WDR17: variants seen among roughly 807,000 people sequenced by gnomAD.
WDR17 encodes WD repeat-containing protein 17.
In WDR17, 143 loss-of-function variants were observed where a neutral mutation model predicts 161.7. The ratio of observed to expected loss-of-function variants is 0.88; its 90% confidence interval spans 0.77 to 1.02. The LOEUF (loss-of-function observed/expected upper bound fraction) is 1.02, where lower values mean the gene tolerates loss of function less well. Among genes scored for constraint, WDR17 ranks in the 50% least tolerant of loss-of-function variants. The probability of loss-of-function intolerance (pLI) is 0.00; values close to 1 mark genes in which losing one functional copy is unlikely to be tolerated. For synonymous variants in WDR17, 517 were observed against 515.6 expected (o/e 1.00, Z -0.04); for missense variants, 1,469 against 1,520.9 (o/e 0.97, Z 0.57).
intron 4 of WDR17, among the ~76,000 whole-genome samples, chr4:176,123,342 C>A (rs1217119060): frequency 6.6e-6 from 1 of 152,124 alleles, no homozygotes; most frequent in East Asian, 1.9e-4. Context: ...ACCTCTACAG[C>A]AGACACTCGC....
chr4:176,151,667 C>A, intron 16 of WDR17, 145 bp from the exon 17 acceptor site: 1 of 700,636 alleles, frequency 1.4e-6, no homozygotes. Context: ...GTATCCATCA[C>A]CTCAAGCATT....
chr4:176,103,230 G>A (rs1665577008), intron 1 of WDR17, among the ~76,000 whole-genome samples: 1 of 152,140 alleles, frequency 6.6e-6, no homozygotes, highest in Non-Finnish European at 1.5e-5. Flanking sequence ...CACAGGTTCA[G>A]AATAACCCTG....
intron 1 of WDR17, among the ~76,000 whole-genome samples, chr4:176,098,914 G>C (rs1737346810): frequency 6.6e-6 from 1 of 151,472 alleles, no homozygotes; most frequent in Admixed American, 6.6e-5. Context: ...TTTAAGTGTT[G>C]GTTTGTAAGA....
chr4:176,104,910 G>A (rs1738452091), intron 1 of WDR17, among the ~76,000 whole-genome samples: 1 of 151,816 alleles, frequency 6.6e-6, no homozygotes, highest in African/African-American at 2.4e-5. Context: ...AATGTAAATG[G>A]ATATTAAGCT....
In WDR17 at chr4:176,115,829, G is replaced by C. The variant is rs200135544; in HGVS notation, c.157G>C (p.Ala53Pro). The C allele has an allele frequency of 6.2e-7, 1 of 1,605,450 alleles. No individual in the cohort carries two copies. The highest frequency in any genetic ancestry group is 1.1e-5 in the South Asian group (1 of 89,392). ...CCGTTATAATGAATTCAAACTTCAC[G>C]CAATTATGTCTGAACATAAAAAAAC... The part of the protein sequence containing the change: ...DHRYNEFKLH[A>P]IMSEHKKTIT... Residue 53 changes from alanine to proline, a missense_variant, in exon 3 of 29, where the codon GCA becomes CCA. By Grantham distance (27) the Ala-to-Pro change is conservative. Transcript: ENST00000508596.
chr4:176,132,572 T>C (rs748542534), intron 7 of WDR17, among the ~76,000 whole-genome samples: 8 of 152,010 alleles, frequency 5.3e-5, no homozygotes, highest in African/African-American at 1.2e-4. Flanking sequence ...TAATATTGTA[T>C]CTTTTCAAGA....
chr4:176,103,203 T>C (rs1738098274), intron 1 of WDR17, among the ~76,000 whole-genome samples: 1 of 152,192 alleles, frequency 6.6e-6, no homozygotes, highest in Non-Finnish European at 1.5e-5. Flanking sequence ...AGGAAGTTAC[T>C]ATGCATGAAC....
chr4:176,130,576 C>A (rs1224709871), intron 6 of WDR17, among the ~76,000 whole-genome samples: 1 of 145,270 alleles, frequency 6.9e-6, no homozygotes, highest in Non-Finnish European at 1.5e-5. Flanking sequence ...AACCCTGTCT[C>A]TACTAAAAAT....
Position 176,138,207 on chromosome 4 carries a change from A to C in WDR17, c.1359+596A>C, listed in dbSNP as rs143473444. 3.1e-3 allele frequency among the ~76,000 whole-genome samples: 469 copies of C among 151,886 alleles called. 1 individual carries two copies. Among genetic ancestry groups the C allele is most frequent in the African/African-American group, 0.011 (442 of 41,566 alleles). On this transcript the variant is annotated intron_variant, in intron 9 of 28. Coordinates refer to ENST00000508596, the MANE Select transcript of WDR17 (RefSeq NM_181265.4). ...GAGTACAAAATATTAGGTATGAATCAGGGGAAAATGATCTAAGATTGTCTG... is the reference window on the plus strand; with the variant it reads ...GAGTACAAAATATTAGGTATGAATCCGGGGAAAATGATCTAAGATTGTCTG...
intron 22 of WDR17, among the ~76,000 whole-genome samples, chr4:176,165,179 A>C (rs1749590682): frequency 1.3e-5 from 2 of 148,530 alleles, no homozygotes; most frequent in African/African-American, 4.9e-5. Context: ...AAAAAAAAAA[A>C]AAACCCATTA....
rs752400036 is a variant in WDR17, at chr4:176,125,285, T to C, written c.720T>C (p.Leu240=). Residue 240 remains leucine, a synonymous_variant, in exon 5 of 29, where the codon CTT becomes CTC. Coordinates refer to ENST00000508596, the MANE Select transcript of WDR17 (RefSeq NM_181265.4). ...ESLSCITTFN[L]PSAAASVQCL... is the part of the protein sequence containing the mutation. Reference sequence around the variant, plus strand: ...TTTCTTGCATAACAACATTTAATCTTCCCAGTGCAGCAGCTTCTGTACAGT... The same window carrying C: ...TTTCTTGCATAACAACATTTAATCTCCCCAGTGCAGCAGCTTCTGTACAGT... 1 of 1,614,158 alleles carries C rather than the reference T, an allele frequency of 6.2e-7. No individual in the cohort carries two copies. Among genetic ancestry groups the C allele is most frequent in the South Asian group, 1.1e-5 (1 of 91,074 alleles).
At chr4:176,175,435 G>A (rs1751291171) in intron 26 of WDR17, among the ~76,000 whole-genome samples, 1 of 152,068 alleles carries the variant, frequency 6.6e-6, no homozygotes, top group Admixed American at 6.5e-5. Context: ...AAAATTCACG[G>A]TGCCTTCCAT....
rs1240428067 is a variant in WDR17, at chr4:176,077,772, G to A, written c.-7+11693G>A. Among the ~76,000 whole-genome samples the A allele has an allele frequency of 1.3e-5, 2 of 151,682 alleles. 1 individual carries two copies. The highest frequency in any genetic ancestry group is 2.9e-5 in the Non-Finnish European group (2 of 67,880). On this transcript the variant is annotated intron_variant, in intron 1 of 28. Transcript: ENST00000508596. ...CATTGTGACTCAGCCCCTCTCTACT[G>A]TGCTGGCTTTTTTCAAGCTACAGGT...
chr4:176,172,566 CGTT>C (rs766108975), intron 24 of WDR17, 50 bp downstream of exon 24: 3 of 1,449,826 alleles, frequency 2.1e-6, no homozygotes. Flanking sequence ...TTTATTTGAT[CGTT>C]GTTTTCATAC....
At chr4:176,107,228 A>C (rs6823265) in intron 1 of WDR17, among the ~76,000 whole-genome samples, 29,693 of 151,722 alleles carry the variant, frequency 0.2, 3,124 homozygotes, top group South Asian at 0.26. Flanking sequence ...GCAAATCAAA[A>C]GAACAATAAG....
chr4:176,148,360 G>A (rs1311203960), intron 13 of WDR17, 25 bp downstream of exon 13: 8 of 1,596,526 alleles, frequency 5.0e-6, no homozygotes, highest in Non-Finnish European at 5.1e-6. Context: ...ATTCTTTCAT[G>A]TATTTGTTAT....
intron 6 of WDR17, among the ~76,000 whole-genome samples, chr4:176,130,503 G>A (rs1029165566): frequency 5.9e-5 from 9 of 152,032 alleles, no homozygotes; most frequent in East Asian, 1.9e-4. Flanking sequence ...CCAGCACTTC[G>A]GGAGGCCAAG....
At chr4:176,144,304 G>T (rs930771170) in intron 11 of WDR17, among the ~76,000 whole-genome samples, 6 of 152,066 alleles carry the variant, frequency 3.9e-5, no homozygotes, top group African/African-American at 1.4e-4. Flanking sequence ...TTATTTGTTG[G>T]CTGGTTGCAT....
At chr4:176,177,939 C>A (rs180962170) in intron 28 of WDR17, among the ~76,000 whole-genome samples, 5 of 120,476 alleles carry the variant, frequency 4.2e-5, no homozygotes, top group Non-Finnish European at 6.3e-5. Context: ...GAGCCGAGAT[C>A]GAGCCATTGC....
Sources: gnomAD v4.1 joint callset for allele counts (sites outside exome capture counted in the v4.1 genomes callset) on GRCh38, gnomAD v4.1.1 for gene constraint, MANE v1.5 for transcripts, NCBI Gene and HGNC (gene_info 2026-07-23, HGNC 2026-07-21) for gene names.